CYB5R4: variants seen among roughly 807,000 people sequenced by gnomAD.
CYB5R4 encodes cytochrome b5 reductase 4.
In CYB5R4, 55 loss-of-function variants were observed where a neutral mutation model predicts 70.2. The ratio of observed to expected loss-of-function variants is 0.78; its 90% CI spans 0.63 to 0.98. The LOEUF is 0.98. Ranked by LOEUF, CYB5R4 falls within the 50% of genes least tolerant of loss-of-function variation. The probability of loss-of-function intolerance (pLI) is 0.00; values close to 1 mark genes in which losing one functional copy is unlikely to be tolerated. For synonymous variants in CYB5R4, 197 were observed against 199.5 expected (o/e 0.99, Z 0.11); for missense variants, 562 against 612.6 (o/e 0.92, Z 0.87).
chr6:83,880,811 A>C (rs1162050830), intron 2 of CYB5R4, among the ~76,000 whole-genome samples: 1 of 152,102 alleles, frequency 6.6e-6, no homozygotes, highest in Non-Finnish European at 1.5e-5. Context: ...TTTATTAAGG[A>C]GGTAGTATTT....
At chr6:83,892,271 T>C (rs1229829670) in intron 2 of CYB5R4, among the ~76,000 whole-genome samples, 2 of 152,202 alleles carry the variant, frequency 1.3e-5, no homozygotes, top group African/African-American at 4.8e-5. Flanking sequence ...TTTTCTAATA[T>C]ATAGCTGGTC....
chr6:83,959,935 G>A lies in CYB5R4; in HGVS notation c.*57G>A, dbSNP rs920610112. On this transcript the variant is annotated 3_prime_UTR_variant, in exon 16 of 16. Coordinates refer to ENST00000369681, the MANE Select transcript of CYB5R4 (RefSeq NM_016230.4). ...GTTTATCTAAATTTGTGATTGCTTA[G>A]GGTTTTTTAAGAGAACATTTTTGTA... The A allele has an allele frequency of 3.6e-6, 5 of 1,392,956 alleles. No individual in the cohort carries two copies. The African/African-American group carries it at 7.3e-5, about 20-fold the overall frequency. 86.3% of individuals were successfully genotyped at this position (1,392,956 alleles called of 1,614,324 possible). A position where few individuals can be genotyped will look rare whatever the true frequency, so the allele number is the denominator to read the frequency against.
At chr6:83,896,921 T>C (rs2099461997) in intron 3 of CYB5R4, among the ~76,000 whole-genome samples, 1 of 152,174 alleles carries the variant, frequency 6.6e-6, no homozygotes, top group Non-Finnish European at 1.5e-5. Flanking sequence ...CTTTTTTTTT[T>C]TATTATACTT....
chr6:83,947,685 A>G (rs2099470836), intron 14 of CYB5R4, among the ~76,000 whole-genome samples: 1 of 152,218 alleles, frequency 6.6e-6, no homozygotes, highest in African/African-American at 2.4e-5. Flanking sequence ...CAAGGAGCTT[A>G]AACAAATTTA....
rs1427120652 is a variant in CYB5R4 at position 83,963,020 on chromosome 6, C to G, written c.*3142C>G. 1 of 152,184 alleles carries G rather than the reference C, an allele frequency of 6.6e-6. No homozygotes were observed. The highest frequency in any genetic ancestry group is 6.6e-5 in the Admixed American group (1 of 15,266). The allele number at this position is 152,184 out of a possible 1,614,324, so 9.4% of individuals were successfully genotyped here. The stretch of plus-strand genomic sequence containing the variant: ...CAAGAGTTCACTGCTTTTAAGATCT[C>G]ATGTGGTTAGATTGGACCTATCCAG... On this transcript the variant is annotated 3_prime_UTR_variant, in exon 16 of 16. Transcript: ENST00000369681.
chr6:83,914,364 C>T, intron 4 of CYB5R4, 52 bp from the exon 5 acceptor site: 1 of 1,484,588 alleles, frequency 6.7e-7, no homozygotes. Context: ...CTGACATTCT[C>T]ATTGACATTA....
chr6:83,955,481 G>C lies in CYB5R4; in HGVS notation c.1511+19G>C. ...GAGTAAGGTGAGTAACAGTGTAGTA[G>C]GAAACAGACTGCCCAACACTGAAGT... On this transcript the variant is annotated intron_variant, in intron 15 of 15. Transcript: ENST00000369681. 1 of 1,603,352 alleles carries C rather than the reference G, an allele frequency of 6.2e-7. No homozygotes were observed. The highest frequency in any genetic ancestry group is 8.5e-7 in the Non-Finnish European group (1 of 1,173,378).
At chr6:83,885,766 A>G (rs1010698713) in intron 2 of CYB5R4, among the ~76,000 whole-genome samples, 6 of 152,162 alleles carry the variant, frequency 3.9e-5, no homozygotes, top group Non-Finnish European at 8.8e-5. Context: ...TAGTGACTAA[A>G]AAAGAGCTCT....
At chr6:83,934,293 T>C (rs1383262274) in intron 10 of CYB5R4, among the ~76,000 whole-genome samples, 1 of 151,588 alleles carries the variant, frequency 6.6e-6, no homozygotes, top group African/African-American at 2.4e-5. Context: ...TCAAATAAAA[T>C]TAGGTTATTT....
intron 14 of CYB5R4, among the ~76,000 whole-genome samples, chr6:83,943,951 G>A (rs544979975): frequency 6.6e-6 from 1 of 151,296 alleles, no homozygotes; most frequent in South Asian, 2.1e-4. Context: ...AAGAAATATG[G>A]GACTACATTT....
intron 14 of CYB5R4, among the ~76,000 whole-genome samples, chr6:83,948,078 T>G (rs1350762774): frequency 1.3e-5 from 2 of 152,212 alleles, no homozygotes; most frequent in Non-Finnish European, 2.9e-5. Flanking sequence ...CATGTATGTT[T>G]ATTGCAGCAC....
At chr6:83,922,504 C>T (rs762920862) in intron 9 of CYB5R4, 34 bp downstream of exon 9, 45 of 1,506,896 alleles carry the variant, frequency 3.0e-5, no homozygotes, top group Admixed American at 6.8e-5. Context: ...TATGTATGTA[C>T]GTACATATAC....
At chr6:83,958,087 A>G (rs1562848927) in intron 15 of CYB5R4, among the ~76,000 whole-genome samples, 1 of 152,184 alleles carries the variant, frequency 6.6e-6, no homozygotes, top group Non-Finnish European at 1.5e-5. Context: ...CATCCCAGAC[A>G]TATTCTCCAT....
At chr6:83,867,846 A>G (rs2099456972) in intron 2 of CYB5R4, among the ~76,000 whole-genome samples, 1 of 152,204 alleles carries the variant, frequency 6.6e-6, no homozygotes, top group Non-Finnish European at 1.5e-5. Context: ...TGTAAAAAGT[A>G]TAATTGCCCT....
At chr6:83,959,740 C>G (rs1203723335) in intron 15 of CYB5R4, 84 bp from the exon 16 acceptor site, 1 of 1,158,396 alleles carries the variant, frequency 8.6e-7, no homozygotes, top group Non-Finnish European at 1.2e-6. Flanking sequence ...GAAAAAGTAT[C>G]ATGATTATGG....
intron 10 of CYB5R4, among the ~76,000 whole-genome samples, chr6:83,925,213 G>C (rs939129731): frequency 2.0e-5 from 3 of 152,096 alleles, no homozygotes; most frequent in African/African-American, 7.2e-5. Context: ...TTACATGGCT[G>C]GAGAAGGAGG....
chr6:83,866,798 T>C (rs2099456789), intron 2 of CYB5R4, among the ~76,000 whole-genome samples: 1 of 152,062 alleles, frequency 6.6e-6, no homozygotes, highest in South Asian at 2.1e-4. Context: ...TTTTATATTT[T>C]TCTAGAGATA....
chr6:83,898,689 A>G (rs2099462346), intron 3 of CYB5R4, among the ~76,000 whole-genome samples: 1 of 152,038 alleles, frequency 6.6e-6, no homozygotes, highest in Admixed American at 6.5e-5. Flanking sequence ...CATCCCTTGT[A>G]AGTTGGATTC....
At chr6:83,886,656 T>C (rs1040523099) in intron 2 of CYB5R4, among the ~76,000 whole-genome samples, 6 of 152,210 alleles carry the variant, frequency 3.9e-5, no homozygotes, top group African/African-American at 1.2e-4. Flanking sequence ...TAAGGATGTT[T>C]CTGTGTACTG....
Sources: gnomAD v4.1 joint callset for allele counts (sites outside exome capture counted in the v4.1 genomes callset) on GRCh38, gnomAD v4.1.1 for gene constraint, MANE v1.5 for transcripts, NCBI Gene and HGNC (gene_info 2026-07-23, HGNC 2026-07-21) for gene names.